Variants in ERBB4 observed in about 807,000 individuals in gnomAD.
ERBB4 encodes receptor tyrosine-protein kinase erbB-4.
A neutral mutation model predicts 158.0 loss-of-function variants in ERBB4; 42 were observed. The observed-to-expected ratio is 0.27, with a 90% CI of 0.21 to 0.34. The LOEUF is 0.34. Ranked by LOEUF, ERBB4 falls within the 10% of genes least tolerant of loss-of-function variation. The pLI is 1.00. For synonymous variants in ERBB4, 583 were observed against 558.7 expected, an observed-to-expected ratio of 1.04 and a Z score of -0.61; for missense variants, 1,333 against 1,624.1, an observed-to-expected ratio of 0.82 and a Z score of 3.08.
chr2:211,769,970 C>T (rs556561164), intron 4 of ERBB4, among the ~76,000 whole-genome samples: 22 of 152,298 alleles, frequency 1.4e-4, no homozygotes, highest in African/African-American at 4.6e-4. Context: ...AAAAATACTT[C>T]GTATCCTTCA....
rs550745813 is a variant in ERBB4, at chr2:211,376,835, C to A, written c.*6780G>T. 4 of 232,914 alleles carry A rather than the reference C, an allele frequency of 1.7e-5. No individual in the cohort carries two copies. The highest frequency in any genetic ancestry group is 1.8e-4 in the South Asian group (1 of 5,520). The allele number at this position is 232,914 out of a possible 1,614,324, so 14.4% of individuals were successfully genotyped here. A position where few individuals can be genotyped will look rare whatever the true frequency, so the allele number is the denominator to read the frequency against. ...ACTAGTCATACACCATGGGAAAATGCGGTTTCAGCATGCAGCCACGCAATC... is the reference window on the plus strand; with the variant it reads ...ACTAGTCATACACCATGGGAAAATGAGGTTTCAGCATGCAGCCACGCAATC... On this transcript the variant is annotated 3_prime_UTR_variant, in exon 28 of 28. Transcript: ENST00000342788.
chr2:212,081,542 G>C (rs1173598742), intron 2 of ERBB4, among the ~76,000 whole-genome samples: 2 of 152,076 alleles, frequency 1.3e-5, no homozygotes, highest in Admixed American at 1.3e-4. Flanking sequence ...TGGTGCTAAT[G>C]TTATATATGT....
chr2:211,455,328 G>GACT (rs1176973317), intron 20 of ERBB4, among the ~76,000 whole-genome samples: 3 of 152,170 alleles, frequency 2.0e-5, no homozygotes. Context: ...GAGTTCAGTG[G>GACT]ACTTCTTATT....
intron 19 of ERBB4, among the ~76,000 whole-genome samples, chr2:211,569,568 C>CGGT (rs1357882620): frequency 6.6e-6 from 1 of 152,102 alleles, no homozygotes; most frequent in Non-Finnish European, 1.5e-5. Context: ...GATAATGAAA[C>CGGT]GGTGGTCGCA....
intron 14 of ERBB4, among the ~76,000 whole-genome samples, chr2:211,669,292 CTT>C (rs1422108580): frequency 7.2e-6 from 1 of 139,716 alleles, no homozygotes; most frequent in East Asian, 2.2e-4. Context: ...AAAAAAAGAA[CTT>C]AAACTTATTT....
intron 16 of ERBB4, among the ~76,000 whole-genome samples, chr2:211,634,927 C>T (rs974025168): frequency 6.6e-6 from 1 of 152,132 alleles, no homozygotes; most frequent in Non-Finnish European, 1.5e-5. Context: ...CCGCCTTGGC[C>T]TCCAAAAGTG....
chr2:211,880,259 T>C (rs1187233369), intron 3 of ERBB4, among the ~76,000 whole-genome samples: 2 of 152,160 alleles, frequency 1.3e-5, no homozygotes. Flanking sequence ...TACAAAATCC[T>C]TGTCTTACGC....
chr2:212,035,563 T>A (rs1333303017), intron 2 of ERBB4, among the ~76,000 whole-genome samples: 1 of 152,192 alleles, frequency 6.6e-6, no homozygotes, highest in East Asian at 1.9e-4. Flanking sequence ...CATACATACA[T>A]TTCACTCTTC....
intron 4 of ERBB4, among the ~76,000 whole-genome samples, chr2:211,767,784 C>T (rs144780361): frequency 5.7e-4 from 87 of 152,244 alleles, no homozygotes; most frequent in African/African-American, 2.0e-3. Context: ...CTATAACACA[C>T]GGGGATTATG....
intron 1 of ERBB4, among the ~76,000 whole-genome samples, chr2:212,466,198 C>G (rs568214758): frequency 6.6e-6 from 1 of 152,280 alleles, no homozygotes; most frequent in Admixed American, 6.5e-5. Context: ...CTTCATTAAA[C>G]ATAAAATTAC....
intron 19 of ERBB4, among the ~76,000 whole-genome samples, chr2:211,592,187 G>A (rs910107535): frequency 3.4e-5 from 2 of 58,312 alleles, no homozygotes; most frequent in Non-Finnish European, 5.5e-5. Context: ...CCCGGTAGAC[G>A]CAGGGCTTTG....
chr2:211,821,650 A>G (rs979787435), intron 3 of ERBB4, among the ~76,000 whole-genome samples: 5 of 152,098 alleles, frequency 3.3e-5, no homozygotes, highest in Non-Finnish European at 7.4e-5. Flanking sequence ...TACTGACATA[A>G]AAGCAGACAT....
chr2:211,996,918 A>G (rs1050375182), intron 2 of ERBB4, among the ~76,000 whole-genome samples: 6 of 152,208 alleles, frequency 3.9e-5, no homozygotes, highest in African/African-American at 1.4e-4. Flanking sequence ...ACCAAAAGAG[A>G]TTTTAACTGC....
chr2:211,893,145 C>A (rs2079012643), intron 3 of ERBB4, among the ~76,000 whole-genome samples: 2 of 145,180 alleles, frequency 1.4e-5, no homozygotes, highest in African/African-American at 5.4e-5. Flanking sequence ...CATCACATTA[C>A]CTGACTTCAA....
intron 3 of ERBB4, among the ~76,000 whole-genome samples, chr2:211,881,102 A>C (rs530328165): frequency 6.3e-4 from 96 of 152,320 alleles, no homozygotes; most frequent in African/African-American, 2.1e-3. Context: ...CAAGAGCCTA[A>C]AGAATGTCTT....
rs868120418 is a variant in ERBB4 at position 211,679,063 on chromosome 2, G to A, written c.1611C>T (p.Asn537=). The change falls in exon 13 of 28, where the codon AAC becomes AAT. Residue 537 remains asparagine, a synonymous_variant. Transcript: ENST00000342788. ...SRGRICIESC[N]LYDGEFREFE... ...AGAAGAAGCCTTACCCATCATAGAG[G>A]TTACAAGACTCTATGCAGATCCTTC... The A allele has an allele frequency of 6.2e-7, 1 of 1,610,474 alleles. No homozygotes were observed. Among genetic ancestry groups the A allele is most frequent in the Non-Finnish European group, 8.5e-7 (1 of 1,178,078 alleles).
At chr2:211,769,776 G>C (rs2075645173) in intron 4 of ERBB4, among the ~76,000 whole-genome samples, 1 of 152,162 alleles carries the variant, frequency 6.6e-6, no homozygotes, top group Non-Finnish European at 1.5e-5. Flanking sequence ...TTCAGTGTGG[G>C]TGAAAGATGA....
intron 3 of ERBB4, among the ~76,000 whole-genome samples, chr2:211,803,610 G>A (rs1020751105): frequency 6.6e-6 from 1 of 152,168 alleles, no homozygotes; most frequent in Non-Finnish European, 1.5e-5. Context: ...GGTTGCCAGA[G>A]GTTGGTTTTA....
At chr2:211,572,592 C>T (rs538391731) in intron 19 of ERBB4, among the ~76,000 whole-genome samples, 2 of 152,124 alleles carry the variant, frequency 1.3e-5, no homozygotes, top group Non-Finnish European at 1.5e-5. Flanking sequence ...TCCTGCAACC[C>T]CTTAGTGAGG....
Sources: allele counts gnomAD v4.1 joint callset (sites outside exome capture counted in the v4.1 genomes callset), GRCh38; gene constraint gnomAD v4.1.1; transcripts MANE v1.5; gene names NCBI Gene and HGNC (gene_info 2026-07-23, HGNC 2026-07-21).